ZNF423: variants seen among roughly 807,000 people sequenced by gnomAD.
The protein encoded by ZNF423 is zinc finger protein 423.
Under a neutral mutation model 95.8 loss-of-function variants are expected in ZNF423, and 12 were observed. That is an observed-to-expected ratio of 0.13 (90% CI 0.08 to 0.20). The LOEUF (loss-of-function observed/expected upper bound fraction) is 0.20. Among genes scored for constraint, ZNF423 ranks in the 10% least tolerant of loss-of-function variants. The pLI is 1.00. For missense variants in ZNF423, 1,316 were observed against 1,737.1 expected, an observed-to-expected ratio of 0.76 and a Z score of 4.31; for synonymous variants, 749 against 711.9, an observed-to-expected ratio of 1.05 and a Z score of -0.83.
intron 1 of ZNF423, among the ~76,000 whole-genome samples, chr16:49,817,977 T>C (rs774993651): frequency 1.3e-5 from 2 of 152,082 alleles, no homozygotes; most frequent in Non-Finnish European, 2.9e-5. Flanking sequence ...CTTTTTTGAG[T>C]TCGTCAACTG....
chr16:49,533,636 G>A lies in ZNF423; in HGVS notation c.3602-8142C>T, dbSNP rs149360771. Among the ~76,000 whole-genome samples the A allele has an allele frequency of 1.5e-3, 234 of 152,300 alleles. 1 individual carries two copies. The highest frequency in any genetic ancestry group is 5.2e-3 in the African/African-American group (215 of 41,562). Reference sequence around the variant, plus strand: ...CAGCAAACAGGACAGCTCAGCGGACGGCCCCCGACTAGCCCTTGTTTCATC... The same window carrying A: ...CAGCAAACAGGACAGCTCAGCGGACAGCCCCCGACTAGCCCTTGTTTCATC... On this transcript the variant is annotated intron_variant, in intron 5 of 7. Coordinates refer to ENST00000563137, the MANE Select transcript of ZNF423 (RefSeq NM_001379286.1).
intron 3 of ZNF423, among the ~76,000 whole-genome samples, chr16:49,693,576 T>C (rs2031866752): frequency 1.3e-5 from 2 of 152,262 alleles, no homozygotes; most frequent in South Asian, 4.2e-4. Context: ...GTGATTCAGG[T>C]ACTTCAAGCC....
intron 5 of ZNF423, among the ~76,000 whole-genome samples, chr16:49,611,420 C>T (rs1257137069): frequency 6.6e-6 from 1 of 151,928 alleles, no homozygotes; most frequent in African/African-American, 2.4e-5. Flanking sequence ...AGAGGAAGCT[C>T]ATGGGAATTT....
chr16:49,827,516 C>T (rs8044856), intron 1 of ZNF423, among the ~76,000 whole-genome samples: 488 of 115,612 alleles, frequency 4.2e-3, no homozygotes, highest in African/African-American at 0.013. Context: ...GAATGAACAG[C>T]TAACTTTTTT....
At chr16:49,658,395 C>T (rs1293445742) in intron 3 of ZNF423, among the ~76,000 whole-genome samples, 1 of 152,234 alleles carries the variant, frequency 6.6e-6, no homozygotes, top group African/African-American at 2.4e-5. Flanking sequence ...ATGTGCTGGG[C>T]TAGCCAGGCG....
chr16:49,788,735 TC>T (rs1478281432), intron 2 of ZNF423, among the ~76,000 whole-genome samples: 1 of 152,112 alleles, frequency 6.6e-6, no homozygotes, highest in African/African-American at 2.4e-5. Context: ...AGGAAGGGGA[TC>T]CCGGCGCCTG....
Position 49,822,663 on chromosome 16 carries a change from T to C in ZNF423, c.40+33072A>G. The C allele has an allele frequency of 6.2e-7, 1 of 1,605,736 alleles. No homozygotes were observed. ...CCACCCCTCAGCCCAAGGCCTCCCC[T>C]GCTCACCCCTCTTCTTATGCATCCA... On this transcript the variant is annotated intron_variant, in intron 1 of 7. Coordinates refer to ENST00000563137, the MANE Select transcript of ZNF423 (RefSeq NM_001379286.1).
intron 1 of ZNF423, among the ~76,000 whole-genome samples, chr16:49,836,486 T>G (rs1033920829): frequency 1.3e-5 from 2 of 152,000 alleles, no homozygotes; most frequent in Admixed American, 1.3e-4. Flanking sequence ...TCCGGCATGG[T>G]GCTGGCTCAC....
chr16:49,742,149 G>T (rs2033426793), intron 2 of ZNF423, among the ~76,000 whole-genome samples: 1 of 152,210 alleles, frequency 6.6e-6, no homozygotes. Context: ...CAAGGACCTT[G>T]TTTTTTATGG....
chr16:49,687,376 A>G (rs1242852381), intron 3 of ZNF423, among the ~76,000 whole-genome samples: 1 of 151,858 alleles, frequency 6.6e-6, no homozygotes, highest in African/African-American at 2.4e-5. Flanking sequence ...GTCCCCACCT[A>G]CCCCTGGGCT....
In ZNF423 at chr16:49,602,960, G is replaced by A. The variant is rs371027484; in HGVS notation, c.3601+23210C>T. ...CGGCGGGCGATCAGCACCGAGGAGC[G>A]GAAGCTTCCCCAGCAGCGCCCGCGT... On this transcript the variant is annotated intron_variant, in intron 5 of 7. Coordinates refer to ENST00000563137, the MANE Select transcript of ZNF423 (RefSeq NM_001379286.1). Among the ~76,000 whole-genome samples, 186 of 152,340 alleles carry A rather than the reference G, an allele frequency of 1.2e-3. 1 individual carries two copies. Among genetic ancestry groups the A allele is most frequent in the South Asian group, 6.2e-3 (30 of 4,822 alleles).
At chr16:49,563,157 T>G (rs1472900064) in intron 5 of ZNF423, among the ~76,000 whole-genome samples, 1 of 152,172 alleles carries the variant, frequency 6.6e-6, no homozygotes, top group Non-Finnish European at 1.5e-5. Flanking sequence ...TCAAATCTAA[T>G]CCCCAGTGTG....
In ZNF423 at chr16:49,603,826, T is replaced by A. The variant is rs565000206; in HGVS notation, c.3601+22344A>T. 6.6e-6 allele frequency among the ~76,000 whole-genome samples: 1 copy of A among 152,328 alleles called. No homozygotes were observed. Among genetic ancestry groups the A allele is most frequent in the East Asian group, 1.9e-4 (1 of 5,182 alleles). ...TGAGAGCACCAGAGCCATGCCTGAA[T>A]AATTTATACCAAAAGTAAGAAAATA... On this transcript the variant is annotated intron_variant, in intron 5 of 7. Coordinates refer to ENST00000563137, the MANE Select transcript of ZNF423 (RefSeq NM_001379286.1). This position sits in a 1 kb window ranked among gnomAD's most constrained non-coding sequence, Gnocchi z 4.1.
At chr16:49,676,115 T>C (rs911590322) in intron 3 of ZNF423, among the ~76,000 whole-genome samples, 1 of 152,158 alleles carries the variant, frequency 6.6e-6, no homozygotes, top group Non-Finnish European at 1.5e-5. Flanking sequence ...AGAGAATGAA[T>C]AAATAAATGA....
intron 3 of ZNF423, among the ~76,000 whole-genome samples, chr16:49,679,815 G>T (rs1596842892): frequency 1.3e-5 from 2 of 152,206 alleles, no homozygotes; most frequent in Non-Finnish European, 1.5e-5. Flanking sequence ...GTTCCAGGTG[G>T]AGTCCCAGCC....
chr16:49,754,038 A>G (rs2143589624), intron 2 of ZNF423, among the ~76,000 whole-genome samples: 1 of 152,216 alleles, frequency 6.6e-6, no homozygotes, highest in East Asian at 1.9e-4. Context: ...TCAAAAAAAA[A>G]AAAAAAAGCC....
intron 7 of ZNF423, among the ~76,000 whole-genome samples, chr16:49,515,231 G>A (rs925229080): frequency 2.6e-5 from 4 of 152,220 alleles, no homozygotes; most frequent in Non-Finnish European, 5.9e-5. Context: ...GGCCCCGCGC[G>A]CACAGGCCCC....
chr16:49,723,425 T>G (rs2032923923), intron 3 of ZNF423, among the ~76,000 whole-genome samples: 1 of 152,182 alleles, frequency 6.6e-6, no homozygotes, highest in African/African-American at 2.4e-5. Flanking sequence ...CCATGTTTTT[T>G]TGTGTTGATT....
At chr16:49,585,463 G>T (rs540215737) in intron 5 of ZNF423, among the ~76,000 whole-genome samples, 3 of 152,262 alleles carry the variant, frequency 2.0e-5, no homozygotes, top group Admixed American at 6.5e-5. Context: ...CTCGATGGGG[G>T]GATGAGAGTT....
Sources: allele counts gnomAD v4.1 joint callset (sites outside exome capture counted in the v4.1 genomes callset), GRCh38; gene constraint gnomAD v4.1.1; non-coding constraint Gnocchi (gnomAD v3.1); transcripts MANE v1.5; gene names NCBI Gene and HGNC (gene_info 2026-07-23, HGNC 2026-07-21).